Variants in BMERB1 observed in about 807,000 individuals in gnomAD.
BMERB1 encodes the protein bMERB domain-containing protein 1.
In BMERB1, 12 loss-of-function variants were observed where a neutral mutation model predicts 23.6. The observed-to-expected ratio is 0.51, with a 90% CI of 0.33 to 0.82. The LOEUF (loss-of-function observed/expected upper bound fraction) is 0.82, where lower values mean the gene tolerates loss of function less well. Ranked by LOEUF, BMERB1 falls within the 40% of genes least tolerant of loss-of-function variation. The pLI is 0.03. For synonymous variants in BMERB1, 122 were observed against 96.6 expected, an observed-to-expected ratio of 1.26 and a Z score of -1.54; for missense variants, 247 against 255.4, an observed-to-expected ratio of 0.97 and a Z score of 0.22.
At chr16:15,521,210 C>T (rs1479458688) in intron 2 of BMERB1, among the ~76,000 whole-genome samples, 1 of 152,234 alleles carries the variant, frequency 6.6e-6, no homozygotes, top group East Asian at 1.9e-4. Flanking sequence ...ATGCGGCGAG[C>T]AGCAGGACCT....
intron 1 of BMERB1, among the ~76,000 whole-genome samples, chr16:15,442,191 C>T (rs1434272303): frequency 3.9e-5 from 6 of 151,968 alleles, no homozygotes; most frequent in African/African-American, 1.4e-4. Context: ...ATTAGCTGGG[C>T]GTGGTGGCGC....
At chr16:15,509,077 C>T (rs1439136468) in intron 1 of BMERB1, among the ~76,000 whole-genome samples, 1 of 151,916 alleles carries the variant, frequency 6.6e-6, no homozygotes, top group Admixed American at 6.6e-5. Flanking sequence ...CATCCTCCCC[C>T]GGGGATGGAG....
At chr16:15,494,666 A>G (rs970445383) in intron 1 of BMERB1, among the ~76,000 whole-genome samples, 1 of 152,130 alleles carries the variant, frequency 6.6e-6, no homozygotes, top group African/African-American at 2.4e-5. Flanking sequence ...TTCTGGGCCA[A>G]GGTGTTTGAA....
rs188117193 is a variant in BMERB1 at position 15,581,987 on chromosome 16, T to C, written c.419+656T>C. On this transcript the variant is annotated intron_variant, in intron 4 of 5. Transcript: ENST00000300006. ...AGAGGGCAACTTGCTCTTTATTGTCTGTGTTCTCAGAGACCTTTCTTCAAG... is the reference window on the plus strand; with the variant it reads ...AGAGGGCAACTTGCTCTTTATTGTCCGTGTTCTCAGAGACCTTTCTTCAAG... Among the ~76,000 whole-genome samples the C allele has an allele frequency of 2.7e-3, 409 of 152,362 alleles. 24 individuals carry two copies. In the South Asian group the frequency reaches 0.084, roughly 31 times the overall value.
intron 2 of BMERB1, among the ~76,000 whole-genome samples, chr16:15,517,749 T>TG (rs1451523754): frequency 0.017 from 2,621 of 151,754 alleles, 72 homozygotes; most frequent in African/African-American, 0.061. Context: ...TGTGTGGATA[T>TG]TTGTGTGGAT....
chr16:15,564,061 A>C (rs1398069422), intron 2 of BMERB1, among the ~76,000 whole-genome samples: 1 of 152,204 alleles, frequency 6.6e-6, no homozygotes, highest in Non-Finnish European at 1.5e-5. Flanking sequence ...TGACTTCTGC[A>C]CACATGAGCT....
chr16:15,466,785 A>G (rs557728073), intron 1 of BMERB1, among the ~76,000 whole-genome samples: 2 of 152,200 alleles, frequency 1.3e-5, no homozygotes, highest in South Asian at 2.1e-4. Context: ...TTGTGTGACT[A>G]TCAACAAAGT....
At chr16:15,508,213 A>G (rs903656849) in intron 1 of BMERB1, among the ~76,000 whole-genome samples, 3 of 152,172 alleles carry the variant, frequency 2.0e-5, no homozygotes, top group African/African-American at 7.2e-5. Flanking sequence ...CATGTGATAA[A>G]TGCTCGATAA....
chr16:15,544,230 G>A lies in BMERB1; in HGVS notation c.231-23753G>A, dbSNP rs1391411379. 3.9e-5 allele frequency among the ~76,000 whole-genome samples: 6 copies of A among 152,128 alleles called. No homozygotes were observed. In the South Asian group the frequency reaches 8.3e-4, roughly 21 times the overall value. On this transcript the variant is annotated intron_variant, in intron 2 of 5. Coordinates refer to ENST00000300006, the MANE Select transcript of BMERB1 (RefSeq NM_033201.3). ...TCCACTTTTTAAATGCCCTTGGAGC[G>A]AGCTTTACCATTTTACTGGTTCCCT... is the stretch of plus-strand genomic sequence containing the variant.
intron 1 of BMERB1, among the ~76,000 whole-genome samples, chr16:15,450,166 G>T (rs2051029431): frequency 6.6e-6 from 1 of 152,144 alleles, no homozygotes. Context: ...GCCTAAAGCT[G>T]CCATAGACAG....
At chr16:15,505,001 G>A (rs899796534) in intron 1 of BMERB1, among the ~76,000 whole-genome samples, 1 of 151,928 alleles carries the variant, frequency 6.6e-6, no homozygotes, top group East Asian at 1.9e-4. Context: ...TGAAATAATC[G>A]CTCAAAATGG....
At chr16:15,492,122 T>G (rs140707340) in intron 1 of BMERB1, among the ~76,000 whole-genome samples, 91 of 152,276 alleles carry the variant, frequency 6.0e-4, no homozygotes, top group African/African-American at 2.0e-3. Context: ...TGAAAGGAAT[T>G]CCAGAGAGAG....
Position 15,439,551 on chromosome 16 carries a change from C to T in BMERB1, c.106+4792C>T, listed in dbSNP as rs562819099. ...ATTCTGGTTAATGATTCTGTACATA[C>T]TGCCTTCCTCATGGGAACATGTGGA... On this transcript the variant is annotated intron_variant, in intron 1 of 5. Coordinates refer to ENST00000300006, the MANE Select transcript of BMERB1 (RefSeq NM_033201.3). Among the ~76,000 whole-genome samples, 5 of 152,238 alleles carry T rather than the reference C, an allele frequency of 3.3e-5. No homozygotes were observed. The South Asian group carries it at 1.0e-3, about 32-fold the overall frequency.
chr16:15,581,457 C>G, intron 4 of BMERB1, 126 bp downstream of exon 4: 1 of 658,822 alleles, frequency 1.5e-6, no homozygotes, highest in Non-Finnish European at 2.5e-6. Context: ...GATCCACAGT[C>G]TCTGGACACT....
intron 1 of BMERB1, among the ~76,000 whole-genome samples, chr16:15,492,542 G>A (rs1025465791): frequency 6.6e-5 from 10 of 152,166 alleles, no homozygotes; most frequent in South Asian, 2.1e-4. Context: ...GAGAAACCTG[G>A]CAGACACTCC....
In BMERB1 at chr16:15,584,263, A is replaced by G. The variant is rs1043146779; in HGVS notation, c.502+1025A>G. The stretch of plus-strand genomic sequence containing the variant: ...TATTAGTGAGGCCTCTTTCAGTTAG[A>G]AGAAATGGATGCCTGGCTGGGCGCG... On this transcript the variant is annotated intron_variant, in intron 5 of 5. Transcript: ENST00000300006. 1.0e-5 allele frequency: 5 copies of G among 497,678 alleles called. No homozygotes were observed. The Admixed American group carries it at 1.1e-4, about 11-fold the overall frequency. 30.8% of individuals were successfully genotyped at this position (497,678 alleles called of 1,614,324 possible). A position where few individuals can be genotyped will look rare whatever the true frequency, so the allele number is the denominator to read the frequency against.
chr16:15,549,418 C>T (rs572360409), intron 2 of BMERB1, among the ~76,000 whole-genome samples: 47 of 149,320 alleles, frequency 3.1e-4, no homozygotes, highest in East Asian at 1.4e-3. Context: ...CGGTGGCTCA[C>T]GCCTGTAATC....
chr16:15,584,542 A>G (rs1304008669), intron 5 of BMERB1, among the ~76,000 whole-genome samples: 4 of 147,422 alleles, frequency 2.7e-5, no homozygotes, highest in Admixed American at 6.9e-5. Flanking sequence ...TGGGTGACAC[A>G]GCAAGACTCC....
chr16:15,564,554 C>T (rs992168888), intron 2 of BMERB1, among the ~76,000 whole-genome samples: 3 of 152,128 alleles, frequency 2.0e-5, no homozygotes, highest in African/African-American at 7.2e-5. Context: ...TGCAAAATTC[C>T]TGAAAGGAAA....
Sources: gnomAD v4.1 joint callset for allele counts (sites outside exome capture counted in the v4.1 genomes callset) on GRCh38, gnomAD v4.1.1 for gene constraint, MANE v1.5 for transcripts, NCBI Gene and HGNC (gene_info 2026-07-23, HGNC 2026-07-21) for gene names.